ITGA8: variants seen among roughly 807,000 people sequenced by gnomAD.
ITGA8 encodes integrin alpha-8.
Under a neutral mutation model 142.3 loss-of-function variants are expected in ITGA8, and 91 were observed. That is an observed-to-expected ratio of 0.64 (90% confidence interval 0.54 to 0.76). The LOEUF (loss-of-function observed/expected upper bound fraction) is 0.76. ITGA8 is among the 30% of genes least tolerant of loss of function. ITGA8 has a pLI of 0.00. For missense variants in ITGA8, 1,406 were observed against 1,327.7 expected, an observed-to-expected ratio of 1.06 and a Z score of -0.92; for synonymous variants, 505 against 485.2, an observed-to-expected ratio of 1.04 and a Z score of -0.54.
intron 2 of ITGA8, among the ~76,000 whole-genome samples, chr10:15,698,902 T>C (rs914219215): frequency 6.6e-6 from 1 of 152,136 alleles, no homozygotes; most frequent in Non-Finnish European, 1.5e-5. Context: ...CTGTGCAGAG[T>C]CTTTTCAGTT....
In ITGA8 at chr10:15,602,738, A is replaced by G. The variant is rs758243132; in HGVS notation, c.2118+1470T>C. 3.3e-3 allele frequency among the ~76,000 whole-genome samples: 268 copies of G among 80,024 alleles called. 1 individual carries two copies. The highest frequency in any genetic ancestry group is 4.8e-3 in the Non-Finnish European group (142 of 29,566). The allele number at this position is 80,024 out of a possible 152,430, so 52.5% of individuals were successfully genotyped here. A position where few individuals can be genotyped will look rare whatever the true frequency, so the allele number is the denominator to read the frequency against. ...GGGAAACAGAGCAAGACCCTGTCTC[A>G]AAAAAAAAAATACAAGAAAGAAGAA... is the stretch of plus-strand genomic sequence containing the variant. On this transcript the variant is annotated intron_variant, in intron 20 of 29. Transcript: ENST00000378076.
Position 15,575,593 on chromosome 10 carries a change from C to G in ITGA8, c.2374G>C (p.Val792Leu), listed in dbSNP as rs1834274764. 6.2e-7 allele frequency: 1 copy of G among 1,611,734 alleles called. No individual in the cohort carries two copies. The highest frequency in any genetic ancestry group is 1.3e-5 in the African/African-American group (1 of 74,868). The stretch of plus-strand genomic sequence containing the variant: ...AGAACAATCTGCGGAGGGTGTGACA[C>G]TCTGAAACATGAAATGTCCTGTTAA... ...TAVAQVEIRGVSHPPQIVLPI... is the reference protein window; with the variant it reads ...TAVAQVEIRGLSHPPQIVLPI... Residue 792 changes from valine (V) to leucine (L), a missense_variant and splice_region_variant, in exon 24 of 30, where the codon GTG (valine) becomes CTG (leucine). By Grantham distance (32) the Val-to-Leu change is conservative (BLOSUM62 1). Coordinates refer to ENST00000378076, the MANE Select transcript of ITGA8 (RefSeq NM_003638.3).
chr10:15,536,530 C>T (rs973571405), intron 27 of ITGA8, among the ~76,000 whole-genome samples: 3 of 152,150 alleles, frequency 2.0e-5, no homozygotes, highest in African/African-American at 7.2e-5. Context: ...CTTTATGTAA[C>T]AATAGTATTA....
At chr10:15,559,977 CTTAAAA>C (rs769867900) in intron 25 of ITGA8, among the ~76,000 whole-genome samples, 25 of 152,242 alleles carry the variant, frequency 1.6e-4, no homozygotes, top group South Asian at 2.1e-4. Flanking sequence ...TACCCCAAAA[CTTAAAA>C]TTAAATTTAA....
chr10:15,539,133 A>G (rs1182198936), intron 27 of ITGA8, among the ~76,000 whole-genome samples: 1 of 152,082 alleles, frequency 6.6e-6, no homozygotes, highest in Non-Finnish European at 1.5e-5. Context: ...CATTTCAACT[A>G]CAGAATAGAG....
chr10:15,659,147 G>T (rs1834240289), intron 9 of ITGA8, 92 bp from the exon 10 acceptor site: 6 of 794,218 alleles, frequency 7.6e-6, no homozygotes, highest in Non-Finnish European at 1.2e-5. Context: ...AAAATTTTTT[G>T]TAAAGTGTGA....
At chr10:15,535,767 G>A (rs11813711) in intron 27 of ITGA8, among the ~76,000 whole-genome samples, 30,102 of 151,992 alleles carry the variant, frequency 0.2, 4,031 homozygotes, top group African/African-American at 0.38. Context: ...AGGCTGCCTG[G>A]GACAGCAGTG....
At chr10:15,626,314 G>A (rs1203806442) in intron 13 of ITGA8, among the ~76,000 whole-genome samples, 1 of 151,998 alleles carries the variant, frequency 6.6e-6, no homozygotes, top group Non-Finnish European at 1.5e-5. Flanking sequence ...CTCTCCTCCC[G>A]GGTTCAAGCA....
chr10:15,557,901 A>C (rs1157865707), intron 26 of ITGA8, among the ~76,000 whole-genome samples, 173 bp downstream of exon 26: 2 of 152,238 alleles, frequency 1.3e-5, no homozygotes, highest in Middle Eastern at 6.3e-3. Context: ...AGTGCTCCTT[A>C]ATTCTTACAG....
At chr10:15,607,887 A>G (rs1833225759) in intron 16 of ITGA8, 56 bp from the exon 17 acceptor site, 1 of 1,414,550 alleles carries the variant, frequency 7.1e-7, no homozygotes. Context: ...GTGCTCTATC[A>G]GAGAGATGAA....
intron 24 of ITGA8, among the ~76,000 whole-genome samples, chr10:15,572,664 G>C (rs1834207276): frequency 1.3e-5 from 2 of 152,142 alleles, no homozygotes; most frequent in South Asian, 4.1e-4. Context: ...TTAAATTTAT[G>C]TTAATTTAAT....
intron 25 of ITGA8, among the ~76,000 whole-genome samples, chr10:15,560,268 AG>A: frequency 6.6e-6 from 1 of 152,186 alleles, no homozygotes; most frequent in Non-Finnish European, 1.5e-5. Flanking sequence ...CAACAGAGTG[AG>A]GCCCTGCTTC....
chr10:15,714,487 A>T (rs1835415914), intron 2 of ITGA8, among the ~76,000 whole-genome samples: 2 of 152,192 alleles, frequency 1.3e-5, no homozygotes, highest in Admixed American at 6.5e-5. Flanking sequence ...AAGGGAGATC[A>T]GAGAAGTGCT....
At chr10:15,560,138 A>G (rs1174485641) in intron 25 of ITGA8, among the ~76,000 whole-genome samples, 1 of 151,954 alleles carries the variant, frequency 6.6e-6, no homozygotes, top group Non-Finnish European at 1.5e-5. Flanking sequence ...AAAATAGCCA[A>G]TGTGGTGGGA....
At chr10:15,534,081 A>AT (rs143060221) in intron 27 of ITGA8, among the ~76,000 whole-genome samples, 30,023 of 151,284 alleles carry the variant, frequency 0.2, 4,010 homozygotes, top group African/African-American at 0.38. Flanking sequence ...TAATTTTTGT[A>AT]TTTTTTTTAG....
At position 15,631,015 on chromosome 10, in the gene ITGA8, GTTGT is replaced by G. The variant is rs1833676102; in HGVS notation, c.1399+13011_1399+13014del. ...TATCCTTCATGCACTTTTTGATGGG[GTTGT>G]TTGTTTTTTCCTTGTAAATTTATTT... On this transcript the variant is annotated intron_variant, in intron 13 of 29. Transcript: ENST00000378076. Among the ~76,000 whole-genome samples the G allele has an allele frequency of 2.0e-5, 3 of 151,906 alleles. No individual in the cohort carries two copies. The South Asian group carries it at 6.2e-4, about 31-fold the overall frequency.
chr10:15,716,248 A>G (rs1387664646), intron 2 of ITGA8, among the ~76,000 whole-genome samples: 1 of 152,152 alleles, frequency 6.6e-6, no homozygotes, highest in African/African-American at 2.4e-5. Flanking sequence ...GTGAATTCTG[A>G]AATTATTATG....
At chr10:15,577,488 T>G (rs17137501) in intron 23 of ITGA8, among the ~76,000 whole-genome samples, 4,992 of 152,198 alleles carry the variant, frequency 0.033, 278 homozygotes, top group African/African-American at 0.11. Context: ...GAAGACGACT[T>G]AAACTTCCTG....
At chr10:15,562,423 G>T (rs1834000603) in intron 25 of ITGA8, among the ~76,000 whole-genome samples, 1 of 152,156 alleles carries the variant, frequency 6.6e-6, no homozygotes. Flanking sequence ...CAGGGCAGGG[G>T]CTTGGAAGGA....
Sources: gnomAD v4.1 joint callset for allele counts (sites outside exome capture counted in the v4.1 genomes callset) on GRCh38, gnomAD v4.1.1 for gene constraint, MANE v1.5 for transcripts, NCBI Gene and HGNC (gene_info 2026-07-23, HGNC 2026-07-21) for gene names.